The following PIGU variants were observed in gnomAD, a reference collection of about 807,000 sequenced individuals.
PIGU encodes the protein phosphatidylinositol glycan anchor biosynthesis class U.
Under a neutral mutation model 49.9 loss-of-function variants are expected in PIGU, and 24 were observed. The observed-to-expected ratio is 0.48, with a 90% confidence interval of 0.35 to 0.68. PIGU has a LOEUF of 0.68. PIGU is among the 30% of genes least tolerant of loss of function. The probability of loss-of-function intolerance (pLI) is 0.01; values close to 1 mark genes in which losing one functional copy is unlikely to be tolerated. For synonymous variants in PIGU, 220 were observed against 205.7 expected, an observed-to-expected ratio of 1.07 and a Z score of -0.59; for missense variants, 490 against 532.6, an observed-to-expected ratio of 0.92 and a Z score of 0.79.
At chr20:34,599,261 T>C (rs1379095698) in intron 7 of PIGU, among the ~76,000 whole-genome samples, 1 of 152,054 alleles carries the variant, frequency 6.6e-6, no homozygotes, top group Non-Finnish European at 1.5e-5. Context: ...GAGACCAGCC[T>C]GGGCAACATG....
At chr20:34,637,123 G>T (rs943867801) in intron 5 of PIGU, among the ~76,000 whole-genome samples, 1 of 152,162 alleles carries the variant, frequency 6.6e-6, no homozygotes, top group Non-Finnish European at 1.5e-5. Flanking sequence ...ATCTAATAGG[G>T]AATAGGAAAT....
At chr20:34,649,981 A>T (rs940471300) in intron 2 of PIGU, among the ~76,000 whole-genome samples, 11 of 149,360 alleles carry the variant, frequency 7.4e-5, no homozygotes, top group Non-Finnish European at 1.5e-4. Context: ...CCCAAGTAGC[A>T]GGGACTACAG....
Position 34,581,609 on chromosome 20 carries a change from C to A in PIGU, c.990G>T (p.Pro330=), listed in dbSNP as rs148128767. Reference sequence around the variant, plus strand: ...TGTAGAGCGCCACGTCCCCCACTGTCGGGTAGGACTTAAAGATGGCGATGA... The same window carrying A: ...TGTAGAGCGCCACGTCCCCCACTGTAGGGTAGGACTTAAAGATGGCGATGA... The part of the protein sequence containing the change: ...IAVIAIFKSY[P]TVGDVALYMA... The change falls in exon 10 of 12, where the codon CCG becomes CCT. Residue 330 remains proline (P), a synonymous_variant. Transcript: ENST00000217446. 9.3e-6 allele frequency: 15 copies of A among 1,613,782 alleles called. No homozygotes were observed. In the African/African-American group the frequency reaches 1.5e-4, roughly 16 times the overall value.
intron 2 of PIGU, 83 bp downstream of exon 2, chr20:34,657,097 T>C: frequency 9.4e-7 from 1 of 1,068,736 alleles, no homozygotes; most frequent in South Asian, 1.4e-5. Context: ...TTTTTAAATG[T>C]TTGTACAAAA....
chr20:34,605,890 C>T (rs767143011), intron 7 of PIGU, among the ~76,000 whole-genome samples: 5 of 152,124 alleles, frequency 3.3e-5, no homozygotes, highest in Non-Finnish European at 7.4e-5. Flanking sequence ...CTCTCCAAAA[C>T]ACTTCTGCAC....
chr20:34,633,002 C>CA (rs1441812051), intron 6 of PIGU, among the ~76,000 whole-genome samples: 27 of 150,308 alleles, frequency 1.8e-4, no homozygotes, highest in African/African-American at 6.3e-4. Context: ...GATTGGCACC[C>CA]ACAAACTAAG....
At chr20:34,564,832 T>A (rs1348125674) in intron 11 of PIGU, among the ~76,000 whole-genome samples, 1 of 152,140 alleles carries the variant, frequency 6.6e-6, no homozygotes, top group Non-Finnish European at 1.5e-5. Context: ...TGTGTGGAAA[T>A]CTGGAGGATA....
intron 2 of PIGU, among the ~76,000 whole-genome samples, chr20:34,645,960 T>C (rs1000377881): frequency 6.6e-6 from 1 of 152,164 alleles, no homozygotes; most frequent in African/African-American, 2.4e-5. Flanking sequence ...AGGTGAATTG[T>C]AGTTCTAAGA....
intron 11 of PIGU, among the ~76,000 whole-genome samples, chr20:34,569,332 C>T (rs1483802955): frequency 6.6e-6 from 1 of 152,146 alleles, no homozygotes; most frequent in Non-Finnish European, 1.5e-5. Context: ...CGGGCTTAAG[C>T]GATTCTCCTG....
At chr20:34,572,290 T>C (rs1440332218) in intron 11 of PIGU, among the ~76,000 whole-genome samples, 2 of 151,984 alleles carry the variant, frequency 1.3e-5, no homozygotes. Flanking sequence ...CATCTCAGCC[T>C]CCCAAAGTGC....
chr20:34,654,984 G>A (rs975678213), intron 2 of PIGU, among the ~76,000 whole-genome samples: 1 of 87,908 alleles, frequency 1.1e-5, no homozygotes, highest in African/African-American at 4.2e-5. Context: ...CATCCTGGGC[G>A]ACAGAGCGAG....
chr20:34,666,132 G>C (rs889980593), intron 1 of PIGU, among the ~76,000 whole-genome samples: 2 of 151,956 alleles, frequency 1.3e-5, no homozygotes, highest in African/African-American at 2.4e-5. Context: ...GTTGTAGTGA[G>C]CCAAGATCGT....
intron 8 of PIGU, among the ~76,000 whole-genome samples, chr20:34,586,485 A>C (rs1010707537): frequency 6.6e-6 from 1 of 152,154 alleles, no homozygotes; most frequent in Non-Finnish European, 1.5e-5. Flanking sequence ...GAAGTTAGCA[A>C]GTCATTGTTA....
intron 2 of PIGU, among the ~76,000 whole-genome samples, chr20:34,645,758 G>C (rs548177292): frequency 6.6e-6 from 1 of 152,062 alleles, no homozygotes; most frequent in Non-Finnish European, 1.5e-5. Flanking sequence ...TTAGCCGGGC[G>C]TGGTGGCGGG....
chr20:34,567,802 C>CCTCT (rs11467880), intron 11 of PIGU, among the ~76,000 whole-genome samples: 155 of 144,614 alleles, frequency 1.1e-3, no homozygotes, highest in African/African-American at 3.4e-3. Flanking sequence ...CCTCCTTCCT[C>CCTCT]CTCTCTCTCT....
chr20:34,637,379 C>T (rs1986001284), intron 5 of PIGU, among the ~76,000 whole-genome samples: 1 of 152,140 alleles, frequency 6.6e-6, no homozygotes, highest in Non-Finnish European at 1.5e-5. Flanking sequence ...ACTGGGTACA[C>T]CCTAGAGAAT....
chr20:34,582,858 G>A (rs1287215034), intron 9 of PIGU, among the ~76,000 whole-genome samples: 4 of 152,112 alleles, frequency 2.6e-5, no homozygotes, highest in African/African-American at 4.8e-5. Flanking sequence ...CTGGTCAGGA[G>A]AGAGTTGGGG....
chr20:34,635,368 C>T (rs1985924905), intron 5 of PIGU, among the ~76,000 whole-genome samples: 1 of 152,172 alleles, frequency 6.6e-6, no homozygotes, highest in African/African-American at 2.4e-5. Flanking sequence ...ATCTACTGAG[C>T]TCAACAAGTC....
chr20:34,575,283 T>C (rs773484508), intron 10 of PIGU, 37 bp from the exon 11 acceptor site: 2 of 1,602,988 alleles, frequency 1.2e-6, no homozygotes, highest in Admixed American at 1.7e-5. Flanking sequence ...CCTGACACGC[T>C]CTCTCTGGCA....
Sources: gnomAD v4.1 joint callset for allele counts (sites outside exome capture counted in the v4.1 genomes callset) on GRCh38, gnomAD v4.1.1 for gene constraint, MANE v1.5 for transcripts, NCBI Gene and HGNC (gene_info 2026-07-23, HGNC 2026-07-21) for gene names.